The following KLF8 variants were observed in gnomAD, a reference collection of about 807,000 sequenced individuals.
KLF8 encodes KLF transcription factor 8.
KLF8 carries 10 observed loss-of-function variants against 18.2 expected under a neutral mutation model. That is an observed-to-expected ratio of 0.55 (90% CI 0.34 to 0.93). The LOEUF (loss-of-function observed/expected upper bound fraction) is 0.93, where lower values mean the gene tolerates loss of function less well. Ranked by LOEUF, KLF8 falls within the 40% of genes least tolerant of loss-of-function variation. The pLI, the probability that KLF8 is intolerant of heterozygous loss-of-function variation, is 0.02. For missense variants in KLF8, 264 were observed against 277.9 expected, an observed-to-expected ratio of 0.95 and a Z score of 0.36; for synonymous variants, 109 against 97.3, an observed-to-expected ratio of 1.12 and a Z score of -0.71.
At chrX:55,936,573 C>T in the KLF8 span, among the ~76,000 whole-genome samples, 10 of 112,687 alleles carry the variant, frequency 8.9e-5, no homozygotes, top group East Asian at 2.8e-4. Context: ...CAAAGCAGGG[C>T]GAGGCATTGC....
At chrX:56,118,924 G>A in the KLF8 span, among the ~76,000 whole-genome samples, 1 of 111,320 alleles carries the variant, frequency 9.0e-6, no homozygotes, top group Admixed American at 9.5e-5. Context: ...AGTTCACATA[G>A]GCTCATAGTT....
At chrX:56,078,177 C>G in the KLF8 span, among the ~76,000 whole-genome samples, 3 of 111,538 alleles carry the variant, frequency 2.7e-5, no homozygotes, top group African/African-American at 9.8e-5. Flanking sequence ...TCCAACAGTA[C>G]GTTGAATAGG....
At chrX:56,076,589 T>G in the KLF8 span, among the ~76,000 whole-genome samples, 1 of 111,381 alleles carries the variant, frequency 9.0e-6, no homozygotes, top group Admixed American at 9.6e-5. Flanking sequence ...TGAATAGTGC[T>G]TCAATAAACA....
chrX:56,042,224 T>C, the KLF8 span, among the ~76,000 whole-genome samples: 2 of 111,533 alleles, frequency 1.8e-5, no homozygotes, highest in Non-Finnish European at 3.8e-5. Context: ...TAATTTGTGT[T>C]GTGGTCTGAG....
the KLF8 span, among the ~76,000 whole-genome samples, chrX:55,918,945 G>C: frequency 8.9e-6 from 1 of 111,980 alleles, no homozygotes; most frequent in Non-Finnish European, 1.9e-5. Context: ...ACCCAAAATG[G>C]TCTTCCTTTG....
At chrX:55,939,575 A>G in the KLF8 span, among the ~76,000 whole-genome samples, 3 of 111,826 alleles carry the variant, frequency 2.7e-5, no homozygotes, top group Non-Finnish European at 5.6e-5. Context: ...TCAAAAATCA[A>G]TGAATCCAGG....
chrX:56,177,556 T>A, the KLF8 span, among the ~76,000 whole-genome samples: 1 of 111,372 alleles, frequency 9.0e-6, no homozygotes, highest in African/African-American at 3.3e-5. Context: ...GTCAGGGACC[T>A]ACTTGATGAG....
chrX:56,008,118 CTATA>C, the KLF8 span, among the ~76,000 whole-genome samples: 35 of 99,724 alleles, frequency 3.5e-4, no homozygotes, highest in South Asian at 9.1e-4. Flanking sequence ...TAGTGCAAAG[CTATA>C]TATATATATA....
At chrX:56,047,843 T>A in the KLF8 span, among the ~76,000 whole-genome samples, 1 of 111,795 alleles carries the variant, frequency 8.9e-6, no homozygotes, top group Non-Finnish European at 1.9e-5. Flanking sequence ...ATAGCCACAC[T>A]GACTTCCACT....
At chrX:56,156,245 C>T in the KLF8 span, among the ~76,000 whole-genome samples, 4 of 111,607 alleles carry the variant, frequency 3.6e-5, no homozygotes, top group South Asian at 3.7e-4. Context: ...TGTTTGTTTT[C>T]GCTTTTAAGT....
the KLF8 span, among the ~76,000 whole-genome samples, chrX:56,179,271 C>G: frequency 8.9e-6 from 1 of 111,757 alleles, no homozygotes. Context: ...TTGGAGTTCA[C>G]TCATGATTTA....
At chrX:56,123,232 A>C in the KLF8 span, among the ~76,000 whole-genome samples, 1 of 107,241 alleles carries the variant, frequency 9.3e-6, no homozygotes, top group South Asian at 4.2e-4. Context: ...CTTACTTTTT[A>C]CAAAAATAAA....
At chrX:56,059,674 C>A in the KLF8 span, among the ~76,000 whole-genome samples, 3 of 111,331 alleles carry the variant, frequency 2.7e-5, no homozygotes, top group Non-Finnish European at 5.7e-5. Context: ...AGACGTGTGG[C>A]ATTATATCTG....
the KLF8 span, among the ~76,000 whole-genome samples, chrX:55,996,353 T>A: frequency 8.9e-6 from 1 of 112,216 alleles, no homozygotes; most frequent in Non-Finnish European, 1.9e-5. Flanking sequence ...CTTTTAATCT[T>A]ATGGTTGTCA....
At chrX:56,105,679 T>A in the KLF8 span, among the ~76,000 whole-genome samples, 1 of 111,344 alleles carries the variant, frequency 9.0e-6, no homozygotes, top group Non-Finnish European at 1.9e-5. Flanking sequence ...CCAGTCTGTG[T>A]CTTTTAATTG....
chrX:56,209,242 A>G, the KLF8 span, among the ~76,000 whole-genome samples: 1 of 111,685 alleles, frequency 9.0e-6, no homozygotes, highest in African/African-American at 3.3e-5. Flanking sequence ...TTTTGTCTTG[A>G]AATCTATTTT....
the KLF8 span, among the ~76,000 whole-genome samples, chrX:56,023,499 C>T: frequency 1.8e-5 from 2 of 111,688 alleles, no homozygotes; most frequent in African/African-American, 6.5e-5. Context: ...TCAGACCAAA[C>T]AGAATTTTTG....
chrX:56,256,156 A>G (rs185741520), intron 2 of KLF8, among the ~76,000 whole-genome samples: 2 of 111,403 alleles, frequency 1.8e-5, no homozygotes, highest in East Asian at 5.6e-4. Flanking sequence ...TAGATTTTTC[A>G]ATTCATTGAC....
intron 3 of KLF8, chrX:56,267,012 A>G (rs775133295): frequency 1.3e-6 from 1 of 752,327 alleles, no homozygotes; most frequent in Non-Finnish European, 1.6e-6. Context: ...CAAACAAACA[A>G]ACCAAAAAAA....
Sources: allele counts gnomAD v4.1 joint callset (sites outside exome capture counted in the v4.1 genomes callset), GRCh38; gene constraint gnomAD v4.1.1; transcripts MANE v1.5; gene names NCBI Gene and HGNC (gene_info 2026-07-23, HGNC 2026-07-21).